The following KIAA0586 variants were observed in gnomAD, a reference collection of about 807,000 sequenced individuals.
KIAA0586 encodes the protein protein TALPID3.
In KIAA0586, 144 loss-of-function variants were observed where a neutral mutation model predicts 169.8. The ratio of observed to expected loss-of-function variants is 0.85; its 90% confidence interval spans 0.74 to 0.97. KIAA0586 has a LOEUF of 0.97. Among genes scored for constraint, KIAA0586 ranks in the 50% least tolerant of loss-of-function variants. The pLI is 0.00. For synonymous variants in KIAA0586, 625 were observed against 612.4 expected (o/e 1.02, Z -0.30); for missense variants, 1,854 against 1,823.0 (o/e 1.02, Z -0.31).
chr14:58,545,988 C>A (rs182890759), intron 30 of KIAA0586, among the ~76,000 whole-genome samples: 2 of 152,204 alleles, frequency 1.3e-5, no homozygotes, highest in Admixed American at 1.3e-4. Flanking sequence ...GAGCCATGAT[C>A]ATGCCACTGC....
In KIAA0586 at chr14:58,432,462, G is replaced by GT. The variant is rs758988864; in HGVS notation, c.410+8dup. ...AAGAACAGTTTTAAAGCAAAAGTAAGTTTCATTTACAGAAAATAATTGGAC... is the reference window on the plus strand; with the variant it reads ...AAGAACAGTTTTAAAGCAAAAGTAAGTTTTCATTTACAGAAAATAATTGGAC... On this transcript the variant is annotated splice_donor_region_variant and intron_variant, in intron 4 of 30. Coordinates refer to ENST00000652326, the MANE Select transcript of KIAA0586 (RefSeq NM_001329943.3). 6 of 1,490,724 alleles carry GT rather than the reference G, an allele frequency of 4.0e-6. No homozygotes were observed. In the South Asian group the frequency reaches 7.4e-5, roughly 18 times the overall value. 92.3% of individuals were successfully genotyped at this position (1,490,724 alleles called of 1,614,324 possible).
intron 29 of KIAA0586, chr14:58,521,471 G>A (rs1271273462): frequency 7.9e-6 from 6 of 760,430 alleles, no homozygotes; most frequent in East Asian, 3.0e-5. Flanking sequence ...GACTTTCAAC[G>A]GGATTATTAT....
chr14:58,456,595 T>C (rs952905979), intron 9 of KIAA0586, 107 bp from the exon 10 acceptor site: 10 of 653,190 alleles, frequency 1.5e-5, no homozygotes, highest in Middle Eastern at 2.6e-4. Context: ...GTAATATAGC[T>C]AAGACTGTAT....
At chr14:58,477,741 C>T (rs911536051) in intron 20 of KIAA0586, among the ~76,000 whole-genome samples, 1 of 151,486 alleles carries the variant, frequency 6.6e-6, no homozygotes, top group Non-Finnish European at 1.5e-5. Flanking sequence ...TGCCTATGCC[C>T]TTCTCTTCTC....
chr14:58,520,452 T>C (rs1184485981), intron 29 of KIAA0586, among the ~76,000 whole-genome samples: 5 of 152,136 alleles, frequency 3.3e-5, no homozygotes. Context: ...ATACAAGATG[T>C]GGTTTTCTTT....
chr14:58,458,564 CTG>C lies in KIAA0586; in HGVS notation c.1656+20_1656+21del, dbSNP rs2040062313. The C allele has an allele frequency of 1.4e-6, 2 of 1,401,838 alleles. No homozygotes were observed. Among genetic ancestry groups the C allele is most frequent in the African/African-American group, 1.4e-5 (1 of 69,014 alleles). The allele number at this position is 1,401,838 out of a possible 1,614,324, so 86.8% of individuals were successfully genotyped here. A position where few individuals can be genotyped will look rare whatever the true frequency, so the allele number is the denominator to read the frequency against. On this transcript the variant is annotated intron_variant, in intron 12 of 30. Coordinates refer to ENST00000652326, the MANE Select transcript of KIAA0586 (RefSeq NM_001329943.3). ...AATTCAGGTATGTCTTGGAAAAAAA[CTG>C]AAAATTAAGTGAATTCTCAGAAGAT...
chr14:58,544,005 C>G, intron 30 of KIAA0586: 1 of 435,230 alleles, frequency 2.3e-6, no homozygotes. Flanking sequence ...TTTTTCTGCT[C>G]CTCTTCTTCC....
chr14:58,474,731 C>T lies in KIAA0586; in HGVS notation c.2759C>T (p.Pro920Leu). The T allele has an allele frequency of 6.2e-7, 1 of 1,613,002 alleles. No homozygotes were observed. Among genetic ancestry groups the T allele is most frequent in the Non-Finnish European group, 8.5e-7 (1 of 1,179,412 alleles). The change falls in exon 19 of 31, where the codon CCC (proline) becomes CTC (leucine). Residue 920 changes from proline to leucine, a missense_variant. Pro to Leu is a moderately conservative substitution (Grantham distance 98). Transcript: ENST00000652326. ...CCGCCAGTTGCTTCTACTTTTCAGC[C>T]CACTGCTGATATTCTGGATAAAGTA... ...PFPPVASTFQ[P>L]TADILDKVIE...
chr14:58,442,330 T>C (rs2038465985), intron 4 of KIAA0586, among the ~76,000 whole-genome samples: 2 of 151,984 alleles, frequency 1.3e-5, no homozygotes, highest in South Asian at 4.1e-4. Flanking sequence ...GGCTGGCCTC[T>C]AACTCCTGAC....
rs1225599708 is a variant in KIAA0586 at position 58,535,807 on chromosome 14, A to G, written c.4430-4264A>G. Among the ~76,000 whole-genome samples, 3 of 151,390 alleles carry G rather than the reference A, an allele frequency of 2.0e-5. No homozygotes were observed. The East Asian group carries it at 5.8e-4, about 29-fold the overall frequency. On this transcript the variant is annotated intron_variant, in intron 29 of 30. Transcript: ENST00000652326. ...TTGAGTTTTGTTTTAAATTCTGTAC[A>G]TCGTCCCTTTAAAAATTTATGTTGT... is the stretch of plus-strand genomic sequence containing the variant.
Position 58,459,950 on chromosome 14 carries a change from T to C in KIAA0586, c.1764T>C (p.Asp588=). ...MTKDIRTNTQ[D]KTVNKSVIPR... is the part of the protein sequence containing the mutation. ...AAGATATTAGAACCAACACACAAGATAAAACTGTCAACAAATCTGTAATTC... is the reference window on the plus strand; with the variant it reads ...AAGATATTAGAACCAACACACAAGACAAAACTGTCAACAAATCTGTAATTC... Residue 588 remains aspartate, a synonymous_variant, in exon 13 of 31, where the codon GAT becomes GAC. Coordinates refer to ENST00000652326, the MANE Select transcript of KIAA0586 (RefSeq NM_001329943.3). The C allele has an allele frequency of 2.0e-6, 3 of 1,533,336 alleles. No homozygotes were observed. The highest frequency in any genetic ancestry group is 2.4e-5 in the South Asian group (2 of 83,970). 95.0% of individuals were successfully genotyped at this position (1,533,336 alleles called of 1,614,324 possible). A position where few individuals can be genotyped will look rare whatever the true frequency, so the allele number is the denominator to read the frequency against.
chr14:58,541,162 A>G (rs1032972213), intron 30 of KIAA0586, among the ~76,000 whole-genome samples: 23 of 152,244 alleles, frequency 1.5e-4, no homozygotes, highest in Admixed American at 2.0e-4. Context: ...GCTGTTAGCA[A>G]AGAGAAACCA....
chr14:58,480,238 T>G (rs1336809423), intron 20 of KIAA0586, among the ~76,000 whole-genome samples: 1 of 152,090 alleles, frequency 6.6e-6, no homozygotes. Flanking sequence ...TTTCAAATCC[T>G]TGTTTTACTG....
intron 6 of KIAA0586, 107 bp downstream of exon 6, chr14:58,444,282 G>A (rs573356760): frequency 1.1e-5 from 8 of 730,750 alleles, no homozygotes; most frequent in East Asian, 5.4e-5. Context: ...AACAGTTTTA[G>A]TTCTGAAATC....
downstream of KIAA0586, among the ~76,000 whole-genome samples, chr14:58,553,519 A>C (rs1232929047): frequency 2.0e-5 from 3 of 150,040 alleles, no homozygotes; most frequent in Admixed American, 2.0e-4. Context: ...TTGATTGGGC[A>C]TAACAAAAAT....
At chr14:58,561,279 C>T in the KIAA0586 span, among the ~76,000 whole-genome samples, 6 of 152,238 alleles carry the variant, frequency 3.9e-5, no homozygotes, top group South Asian at 1.2e-3. Context: ...TCTTGCTATA[C>T]ATTTACATCT....
chr14:58,447,616 G>A (rs144513952), intron 6 of KIAA0586, among the ~76,000 whole-genome samples: 2,429 of 152,056 alleles, frequency 0.016, 24 homozygotes, highest in Non-Finnish European at 0.025. Context: ...GAGTAGCTGG[G>A]ATTACAGGCT....
chr14:58,484,890 T>TTATATATATATATTTATATATATTTA (rs1194531919), intron 21 of KIAA0586, among the ~76,000 whole-genome samples: 12 of 32,282 alleles, frequency 3.7e-4, no homozygotes, highest in South Asian at 1.2e-3. Context: ...ATATATATAT[T>TTATATATATATATTTATATATATTTA]TATATATATA....
chr14:58,525,052 C>T (rs765508744), intron 29 of KIAA0586, among the ~76,000 whole-genome samples: 5 of 152,084 alleles, frequency 3.3e-5, no homozygotes, highest in Non-Finnish European at 7.4e-5. Context: ...GGAAATCTCT[C>T]CTTTTTGAAT....
Sources: gnomAD v4.1 joint callset for allele counts (sites outside exome capture counted in the v4.1 genomes callset) on GRCh38, gnomAD v4.1.1 for gene constraint, MANE v1.5 for transcripts, NCBI Gene and HGNC (gene_info 2026-07-23, HGNC 2026-07-21) for gene names.